Variants in CAPRIN2 observed in about 807,000 individuals in gnomAD.
CAPRIN2 encodes caprin family member 2.
CAPRIN2 carries 66 observed loss-of-function variants against 130.4 expected under a neutral mutation model. The ratio of observed to expected loss-of-function variants is 0.51; its 90% confidence interval spans 0.42 to 0.62. The LOEUF is 0.62. CAPRIN2 is among the 20% of genes least tolerant of loss of function. CAPRIN2 has a pLI of 0.00. For missense variants in CAPRIN2, 1,185 were observed against 1,246.6 expected (o/e 0.95, Z 0.74); for synonymous variants, 471 against 444.1 (o/e 1.06, Z -0.76).
intron 6 of CAPRIN2, among the ~76,000 whole-genome samples, chr12:30,731,130 C>A (rs191768990): frequency 1.3e-5 from 2 of 152,208 alleles, no homozygotes; most frequent in East Asian, 3.9e-4. Context: ...GGACAAAGTA[C>A]AAATTAATAT....
chr12:30,716,336 T>C (rs1359856319), intron 13 of CAPRIN2, 172 bp downstream of exon 15: 1 of 570,680 alleles, frequency 1.8e-6, no homozygotes, highest in Non-Finnish European at 3.0e-6. Context: ...TAGGTAAACT[T>C]AACACAAAAA....
At chr12:30,723,075 T>C (rs1363234599) in intron 11 of CAPRIN2, among the ~76,000 whole-genome samples, 184 bp downstream of exon 12, 1 of 152,198 alleles carries the variant, frequency 6.6e-6, no homozygotes, top group African/African-American at 2.4e-5. Context: ...ACTATATGTT[T>C]TCAGCATAGT....
At chr12:30,711,487 G>T in intron 16 of CAPRIN2, 79 bp downstream of exon 18, 2 of 1,140,712 alleles carry the variant, frequency 1.8e-6, no homozygotes, top group Non-Finnish European at 2.7e-6. Flanking sequence ...AATGTGCTTT[G>T]GAAAGAACTT....
At chr12:30,715,542 T>C (rs768825240) in intron 13 of CAPRIN2, 2 of 420,116 alleles carry the variant, frequency 4.8e-6, no homozygotes, top group South Asian at 3.5e-5. Context: ...TATTAAATGA[T>C]TACAAAGTTT....
chr12:30,734,970 C>G (rs772487865), exon 4 of CAPRIN2: 2 of 1,607,630 alleles, frequency 1.2e-6, no homozygotes, highest in Non-Finnish European at 1.7e-6. Flanking sequence ...TAGCTTACCT[C>G]AGACTTTCAT....
rs138418849 is a variant in CAPRIN2, at chr12:30,729,858, C to T, written c.1104+381G>A. Among the ~76,000 whole-genome samples the T allele has an allele frequency of 3.4e-3, 511 of 152,266 alleles. 8 individuals are homozygous for T. Among genetic ancestry groups the T allele is most frequent in the African/African-American group, 0.011 (461 of 41,528 alleles). ...TCACTTCAGAAAGAGAACAAATACC[C>T]TTTTCTGCTACCAATGTGAGTAAAT... On this transcript the variant is annotated intron_variant, in intron 7 of 16. Transcript: ENST00000298892.
chr12:30,733,607 G>A, intron 5 of CAPRIN2, 22 bp downstream of exon 6: 1 of 1,535,028 alleles, frequency 6.5e-7, no homozygotes, highest in Non-Finnish European at 9.0e-7. Flanking sequence ...TACTGCATAA[G>A]TCCAGAGTAG....
chr12:30,746,890 T>C (rs992353799), intron 2 of CAPRIN2, among the ~76,000 whole-genome samples: 1 of 152,238 alleles, frequency 6.6e-6, no homozygotes, highest in African/African-American at 2.4e-5. Context: ...TGGAGCTGGC[T>C]ACACTAAACA....
chr12:30,747,452 C>A (rs6487937), intron 2 of CAPRIN2, among the ~76,000 whole-genome samples: 1 of 151,284 alleles, frequency 6.6e-6, no homozygotes, highest in Admixed American at 6.6e-5. Context: ...CCGAGGCGGG[C>A]AGATCACCTG....
chr12:30,728,594 G>C, intron 8 of CAPRIN2, 54 bp downstream of exon 9: 1 of 1,323,086 alleles, frequency 7.6e-7, no homozygotes, highest in Non-Finnish European at 1.0e-6. Flanking sequence ...TCATTACCAC[G>C]ACACCTTATT....
chr12:30,733,274 GAT>G (rs2138220454), intron 5 of CAPRIN2, among the ~76,000 whole-genome samples: 1 of 152,172 alleles, frequency 6.6e-6, no homozygotes, highest in East Asian at 1.9e-4. Context: ...GATAAGCCTT[GAT>G]ATTAACAATG....
In CAPRIN2 at chr12:30,726,097, T is replaced by C. The variant is rs1330438949; in HGVS notation, c.1783-9A>G. ...TGCACAGGCTTAGGCACCTACAAGA[T>C]AAACCCATAATGTGTAAGAGTGAAA... On this transcript the variant is annotated splice_polypyrimidine_tract_variant and intron_variant, in intron 8 of 16. Coordinates refer to ENST00000298892, the Ensembl canonical transcript of CAPRIN2. 4.0e-6 allele frequency: 6 copies of C among 1,502,492 alleles called. No individual in the cohort carries two copies. The highest frequency in any genetic ancestry group is 5.4e-6 in the Non-Finnish European group (6 of 1,121,244). The allele number at this position is 1,502,492 out of a possible 1,614,324, so 93.1% of individuals were successfully genotyped here. A position where few individuals can be genotyped will look rare whatever the true frequency, so the allele number is the denominator to read the frequency against.
chr12:30,737,839 C>T (rs933578310), intron 3 of CAPRIN2, among the ~76,000 whole-genome samples: 2 of 151,900 alleles, frequency 1.3e-5, no homozygotes, highest in East Asian at 1.9e-4. Context: ...CCTCATGATC[C>T]GCCCGCCTCG....
chr12:30,746,177 AT>A (rs2070212107), intron 2 of CAPRIN2, among the ~76,000 whole-genome samples: 2 of 152,228 alleles, frequency 1.3e-5, no homozygotes, highest in African/African-American at 4.8e-5. Context: ...AGCACAGAGA[AT>A]TTTTAGGGCA....
chr12:30,721,332 C>T (rs2059350136), intron 11 of CAPRIN2, among the ~76,000 whole-genome samples: 1 of 145,752 alleles, frequency 6.9e-6, no homozygotes, highest in Admixed American at 6.8e-5. Flanking sequence ...ACACTGTAGG[C>T]ACAGCTCTGC....
chr12:30,713,784 C>T lies in CAPRIN2; in HGVS notation c.2601+1G>A. The T allele has an allele frequency of 6.5e-7, 1 of 1,548,006 alleles. No individual in the cohort carries two copies. Among genetic ancestry groups the T allele is most frequent in the Non-Finnish European group, 8.9e-7 (1 of 1,120,872 alleles). ...CAACTATGACAACTATTCTTACTTACCCTTTGGGAATAAGGTGCTCCAGAA... is the reference window on the plus strand; with the variant it reads ...CAACTATGACAACTATTCTTACTTATCCTTTGGGAATAAGGTGCTCCAGAA... On this transcript the variant is annotated splice_donor_variant, in intron 15 of 16. Coordinates refer to ENST00000298892, the Ensembl canonical transcript of CAPRIN2. LOFTEE classifies it high-confidence loss of function.
At chr12:30,740,862 T>G (rs562685893) in intron 3 of CAPRIN2, among the ~76,000 whole-genome samples, 158 bp downstream of exon 4, 9 of 152,256 alleles carry the variant, frequency 5.9e-5, no homozygotes, top group Non-Finnish European at 1.2e-4. Flanking sequence ...AAAAACTAGT[T>G]CTCCAACAGT....
At chr12:30,739,369 A>G (rs969090908) in intron 3 of CAPRIN2, among the ~76,000 whole-genome samples, 1 of 152,216 alleles carries the variant, frequency 6.6e-6, no homozygotes, top group South Asian at 2.1e-4. Context: ...ACATGGACAC[A>G]TAAGAGGGGA....
At chr12:30,717,225 T>C (rs2057891919) in intron 12 of CAPRIN2, among the ~76,000 whole-genome samples, 1 of 152,136 alleles carries the variant, frequency 6.6e-6, no homozygotes, top group Non-Finnish European at 1.5e-5. Context: ...ATGAAGTACA[T>C]ACATAAAATG....
Sources: gnomAD v4.1 joint callset for allele counts (sites outside exome capture counted in the v4.1 genomes callset) on GRCh38, gnomAD v4.1.1 for gene constraint, MANE v1.5 for transcripts, NCBI Gene and HGNC (gene_info 2026-07-23, HGNC 2026-07-21) for gene names.